The following CCSER1 variants were observed in gnomAD, a reference collection of about 807,000 sequenced individuals.
CCSER1 encodes the protein coiled-coil serine rich protein 1.
Under a neutral mutation model 82.0 loss-of-function variants are expected in CCSER1, and 41 were observed. The observed-to-expected ratio is 0.50, with a 90% confidence interval of 0.39 to 0.65. The LOEUF (loss-of-function observed/expected upper bound fraction) is 0.65, where lower values mean the gene tolerates loss of function less well. Ranked by LOEUF, CCSER1 falls within the 30% of genes least tolerant of loss-of-function variation. The pLI, the probability that CCSER1 is intolerant of heterozygous loss-of-function variation, is 0.00. For missense variants in CCSER1, 1,119 were observed against 1,064.2 expected, an observed-to-expected ratio of 1.05 and a Z score of -0.72; for synonymous variants, 414 against 383.9, an observed-to-expected ratio of 1.08 and a Z score of -0.92.
chr4:91,488,884 G>A (rs1161694065), intron 10 of CCSER1, among the ~76,000 whole-genome samples: 5 of 152,108 alleles, frequency 3.3e-5, no homozygotes, highest in Non-Finnish European at 7.4e-5. Context: ...TTGTAGTAAG[G>A]GTCAGGAGAT....
At position 90,312,858 on chromosome 4, in the gene CCSER1, C is replaced by G. The variant is rs1038000779; in HGVS notation, c.1325-5C>G. 3 of 1,539,658 alleles carry G rather than the reference C, an allele frequency of 1.9e-6. No individual in the cohort carries two copies. Among genetic ancestry groups the G allele is most frequent in the Admixed American group, 2.0e-5 (1 of 50,560 alleles). ...CTTCATTTTTATTTATTTTCCTTTC[C>G]ATAGTTCTTGCCAGTAGTCTCAGTC... On this transcript the variant is annotated splice_polypyrimidine_tract_variant and splice_region_variant and intron_variant, in intron 2 of 10. Transcript: ENST00000509176.
At chr4:91,515,863 CTTTTT>C (rs60522453) in intron 10 of CCSER1, among the ~76,000 whole-genome samples, 48 of 135,022 alleles carry the variant, frequency 3.6e-4, no homozygotes, top group South Asian at 9.2e-4. Flanking sequence ...GCCAGCATCT[CTTTTT>C]TTTTTTTTTT....
intron 10 of CCSER1, among the ~76,000 whole-genome samples, chr4:91,089,290 TGG>T (rs1723700300): frequency 6.6e-6 from 1 of 152,212 alleles, no homozygotes; most frequent in South Asian, 2.1e-4. Context: ...CTGGAATCTG[TGG>T]ATAATATCGG....
intron 10 of CCSER1, among the ~76,000 whole-genome samples, chr4:91,332,828 G>GGCCTT (rs1482473879): frequency 4.0e-5 from 6 of 151,818 alleles, no homozygotes; most frequent in Non-Finnish European, 5.9e-5. Flanking sequence ...TATATAAAAA[G>GGCCTT]GCCTTGTCAT....
At chr4:90,305,974 A>G (rs1295973201) in intron 1 of CCSER1, among the ~76,000 whole-genome samples, 1 of 152,252 alleles carries the variant, frequency 6.6e-6, no homozygotes, top group East Asian at 1.9e-4. Flanking sequence ...TGGTTTATTT[A>G]TATAATGAAA....
chr4:91,053,204 C>A (rs1251028520), intron 9 of CCSER1, among the ~76,000 whole-genome samples: 1 of 152,020 alleles, frequency 6.6e-6, no homozygotes, highest in South Asian at 2.1e-4. Flanking sequence ...TTATGAAGTC[C>A]CATAGATTAT....
Position 91,298,627 on chromosome 4 carries a change from T to C in CCSER1, c.2217+212633T>C, listed in dbSNP as rs187107554. Among the ~76,000 whole-genome samples the C allele has an allele frequency of 1.5e-4, 23 of 152,068 alleles. No homozygotes were observed. In the East Asian group the frequency reaches 4.5e-3, roughly 30 times the overall value. On this transcript the variant is annotated intron_variant, in intron 10 of 10. Transcript: ENST00000509176. ...GAGACTAACTAAGAAGGGCAAAATA[T>C]TTATGAAAGTAAGAGTAAAAATATC...
chr4:90,163,510 G>C (rs1729870518), intron 1 of CCSER1, among the ~76,000 whole-genome samples: 1 of 151,900 alleles, frequency 6.6e-6, no homozygotes, highest in Non-Finnish European at 1.5e-5. Flanking sequence ...AGACTACTTT[G>C]AGTTATAAAC....
intron 1 of CCSER1, among the ~76,000 whole-genome samples, chr4:90,152,623 G>T (rs72876108): frequency 1.7e-4 from 26 of 152,090 alleles, no homozygotes; most frequent in African/African-American, 6.0e-4. Context: ...AACATGTGAA[G>T]GAAGGAAAAT....
intron 10 of CCSER1, among the ~76,000 whole-genome samples, chr4:91,459,796 A>C (rs1578512067): frequency 6.6e-6 from 1 of 152,282 alleles, no homozygotes; most frequent in East Asian, 1.9e-4. Flanking sequence ...CAGTATTTTT[A>C]ACTTTGCAAA....
chr4:90,453,507 G>A (rs1761764137), intron 4 of CCSER1, among the ~76,000 whole-genome samples: 1 of 152,178 alleles, frequency 6.6e-6, no homozygotes, highest in African/African-American at 2.4e-5. Context: ...TAGAGAAGGA[G>A]GTGAGATCCT....
intron 9 of CCSER1, among the ~76,000 whole-genome samples, chr4:91,029,272 GTT>G (rs151082631): frequency 9.6e-5 from 14 of 145,416 alleles, no homozygotes; most frequent in Middle Eastern, 3.6e-3. Flanking sequence ...TTATCGTTCG[GTT>G]TTTTTTTTTA....
chr4:90,602,825 G>A (rs1408438726), intron 5 of CCSER1, among the ~76,000 whole-genome samples: 5 of 152,156 alleles, frequency 3.3e-5, no homozygotes, highest in African/African-American at 1.2e-4. Context: ...CTTATAAGGA[G>A]ACTGATAACA....
At chr4:91,092,280 C>T (rs948740171) in intron 10 of CCSER1, among the ~76,000 whole-genome samples, 1 of 152,136 alleles carries the variant, frequency 6.6e-6, no homozygotes, top group Non-Finnish European at 1.5e-5. Context: ...TGAGCCAATC[C>T]GTAGAGGCAG....
rs557625663 is a variant in CCSER1 at position 90,468,420 on chromosome 4, A to T, written c.1724+66A>T. The T allele has an allele frequency of 2.2e-5, 31 of 1,401,328 alleles. No homozygotes were observed. In the East Asian group the frequency reaches 7.4e-4, roughly 34 times the overall value. 86.8% of individuals were successfully genotyped at this position (1,401,328 alleles called of 1,614,324 possible). A position where few individuals can be genotyped will look rare whatever the true frequency, so the allele number is the denominator to read the frequency against. On this transcript the variant is annotated intron_variant, in intron 5 of 10. Coordinates refer to ENST00000509176, the MANE Select transcript of CCSER1 (RefSeq NM_001145065.2). ...ATTAGATAACTGATAAGAAAATGTG[A>T]TTTATAATAAATGTGTTAATATTAG...
intron 10 of CCSER1, among the ~76,000 whole-genome samples, chr4:91,204,661 C>A (rs182073926): frequency 9.9e-5 from 15 of 151,822 alleles, no homozygotes; most frequent in Admixed American, 7.9e-4. Context: ...CTATTTTAAT[C>A]ATTAACATGT....
chr4:91,387,215 A>G (rs763875859), intron 10 of CCSER1, among the ~76,000 whole-genome samples: 2 of 152,034 alleles, frequency 1.3e-5, no homozygotes, highest in Non-Finnish European at 1.5e-5. Flanking sequence ...ATACATAGAC[A>G]TACACACAAA....
chr4:91,530,055 A>T (rs554923346), intron 10 of CCSER1, among the ~76,000 whole-genome samples: 1 of 152,132 alleles, frequency 6.6e-6, no homozygotes. Flanking sequence ...ATGCTTTTTA[A>T]CAAATATTAT....
intron 10 of CCSER1, among the ~76,000 whole-genome samples, chr4:91,246,865 A>G (rs1177806675): frequency 6.8e-6 from 1 of 147,750 alleles, no homozygotes; most frequent in East Asian, 2.0e-4. Flanking sequence ...CACGGATAGC[A>G]AGTAAGCATA....
Sources: allele counts gnomAD v4.1 joint callset (sites outside exome capture counted in the v4.1 genomes callset), GRCh38; gene constraint gnomAD v4.1.1; transcripts MANE v1.5; gene names NCBI Gene and HGNC (gene_info 2026-07-23, HGNC 2026-07-21).